CCSER1: variants seen among roughly 807,000 people sequenced by gnomAD.
The protein encoded by CCSER1 is serine-rich coiled-coil domain-containing protein 1.
In CCSER1, 41 loss-of-function variants were observed where a neutral mutation model predicts 82.0. That is an observed-to-expected ratio of 0.50 (90% CI 0.39 to 0.65). The LOEUF is 0.65. CCSER1 is among the 30% of genes least tolerant of loss of function. The pLI is 0.00. For synonymous variants in CCSER1, 414 were observed against 383.9 expected, an observed-to-expected ratio of 1.08 and a Z score of -0.92; for missense variants, 1,119 against 1,064.2, an observed-to-expected ratio of 1.05 and a Z score of -0.72.
intron 10 of CCSER1, among the ~76,000 whole-genome samples, chr4:91,301,622 G>A (rs1047218799): frequency 6.6e-6 from 1 of 151,612 alleles, no homozygotes; most frequent in Non-Finnish European, 1.5e-5. Flanking sequence ...TTTAACAACT[G>A]ATATGTTTTT....
At chr4:91,013,363 G>C (rs1181344656) in intron 9 of CCSER1, among the ~76,000 whole-genome samples, 1 of 132,938 alleles carries the variant, frequency 7.5e-6, no homozygotes, top group East Asian at 2.4e-4. Flanking sequence ...TCTTGTTGAA[G>C]ATCATTTGAC....
At chr4:90,902,425 T>C (rs907166312) in intron 8 of CCSER1, among the ~76,000 whole-genome samples, 36 of 152,126 alleles carry the variant, frequency 2.4e-4, no homozygotes, top group Non-Finnish European at 4.6e-4. Flanking sequence ...TGTACCTTTT[T>C]ATTTTTGTTT....
intron 3 of CCSER1, among the ~76,000 whole-genome samples, chr4:90,344,134 T>TA (rs1741916014): frequency 6.6e-6 from 1 of 152,308 alleles, no homozygotes; most frequent in East Asian, 1.9e-4. Context: ...AGTGAGAACA[T>TA]ATGATGTTTG....
At chr4:91,584,284 A>G (rs1442710072) in intron 10 of CCSER1, among the ~76,000 whole-genome samples, 3 of 151,340 alleles carry the variant, frequency 2.0e-5, no homozygotes, top group African/African-American at 7.3e-5. Flanking sequence ...ATAAATTTCA[A>G]GAGAAAATAT....
chr4:90,151,851 G>A (rs1726931348), intron 1 of CCSER1, among the ~76,000 whole-genome samples: 1 of 152,000 alleles, frequency 6.6e-6, no homozygotes, highest in African/African-American at 2.4e-5. Flanking sequence ...GTTAGACATG[G>A]ATCTGGCATT....
At chr4:90,778,779 T>TA (rs35046165) in intron 7 of CCSER1, among the ~76,000 whole-genome samples, 67,600 of 149,802 alleles carry the variant, frequency 0.45, 15,938 homozygotes, top group African/African-American at 0.6. Context: ...TTGGTTGACT[T>TA]AAAAAAAAAA....
At chr4:90,284,066 C>T (rs1025244384) in intron 1 of CCSER1, among the ~76,000 whole-genome samples, 3 of 151,944 alleles carry the variant, frequency 2.0e-5, no homozygotes, top group African/African-American at 7.2e-5. Flanking sequence ...TTGCATTTCT[C>T]TTATTAGTGA....
intron 6 of CCSER1, among the ~76,000 whole-genome samples, chr4:90,702,840 G>T (rs1457826623): frequency 1.3e-5 from 2 of 151,980 alleles, no homozygotes; most frequent in African/African-American, 4.8e-5. Flanking sequence ...ATTTTTTATT[G>T]CGTCTATTTG....
chr4:90,978,230 T>A (rs1376651735), intron 9 of CCSER1, among the ~76,000 whole-genome samples: 1 of 151,692 alleles, frequency 6.6e-6, no homozygotes, highest in East Asian at 1.9e-4. Context: ...AATGCGTCAC[T>A]TAATCATTTA....
chr4:91,263,368 G>A (rs1466711941), intron 10 of CCSER1, among the ~76,000 whole-genome samples: 1 of 151,946 alleles, frequency 6.6e-6, no homozygotes, highest in East Asian at 1.9e-4. Flanking sequence ...GTAGCCTACT[G>A]CCAAATTTTA....
chr4:91,462,023 G>A (rs1047743409), intron 10 of CCSER1, among the ~76,000 whole-genome samples: 6 of 152,062 alleles, frequency 3.9e-5, no homozygotes, highest in Non-Finnish European at 7.4e-5. Flanking sequence ...ACCTATTGCT[G>A]CTCACTCAAA....
At chr4:90,628,581 T>C (rs1723766225) in intron 6 of CCSER1, among the ~76,000 whole-genome samples, 1 of 152,332 alleles carries the variant, frequency 6.6e-6, no homozygotes, top group African/African-American at 2.4e-5. Flanking sequence ...GTATTTCACA[T>C]CAATGATACT....
chr4:90,496,513 T>A (rs1253879713), intron 5 of CCSER1, among the ~76,000 whole-genome samples: 1 of 152,164 alleles, frequency 6.6e-6, no homozygotes, highest in Non-Finnish European at 1.5e-5. Flanking sequence ...TTTGTCCTCA[T>A]AAACTAGGTG....
Position 90,400,129 on chromosome 4 carries a change from G to A in CCSER1, c.1603G>A (p.Val535Ile). 1.9e-6 allele frequency: 3 copies of A among 1,548,174 alleles called. No homozygotes were observed. The highest frequency in any genetic ancestry group is 2.7e-6 in the Non-Finnish European group (3 of 1,122,058). Reference sequence around the variant, plus strand: ...AGAGGAACAGAGTCTTCACCCTTCTGGTAAGTGTTAAAGAGATGAATAATA... The same window carrying A: ...AGAGGAACAGAGTCTTCACCCTTCTAGTAAGTGTTAAAGAGATGAATAATA... ...FLEEQSLHPS[V>I]CREDSYHSVV... The change falls in exon 4 of 11, where the codon GTT becomes ATT. Residue 535 changes from valine (V) to isoleucine (I), a missense_variant and splice_region_variant. Transcript: ENST00000509176.
At chr4:90,156,031 C>G (rs371075874) in intron 1 of CCSER1, among the ~76,000 whole-genome samples, 1 of 152,122 alleles carries the variant, frequency 6.6e-6, no homozygotes, top group African/African-American at 2.4e-5. Flanking sequence ...TTTCCCTCTA[C>G]ACACTGCTTT....
intron 5 of CCSER1, among the ~76,000 whole-genome samples, chr4:90,473,263 A>G (rs1463331972): frequency 6.6e-6 from 1 of 151,282 alleles, no homozygotes; most frequent in Non-Finnish European, 1.5e-5. Flanking sequence ...TGTACATACC[A>G]TAACTCAATG....
At chr4:90,584,984 C>A (rs9994246) in intron 5 of CCSER1, among the ~76,000 whole-genome samples, 2,338 of 152,162 alleles carry the variant, frequency 0.015, 55 homozygotes, top group African/African-American at 0.053. Context: ...ATTTATCTTG[C>A]AATGGGCTTG....
At position 90,308,507 on chromosome 4, in the gene CCSER1, G is replaced by A; in HGVS notation, c.223G>A (p.Gly75Arg). 6.2e-7 allele frequency: 1 copy of A among 1,613,874 alleles called. No homozygotes were observed. Among genetic ancestry groups the A allele is most frequent in the Admixed American group, 1.7e-5 (1 of 60,004 alleles). ...TTCCATTAGCTTCCACCATAAGAAG[G>A]GGAGTGAGCCTAAGCAAGAGCCTAC... Reference protein sequence around the residue: ...TPSISFHHKKGSEPKQEPTNQ... With the variant: ...TPSISFHHKKRSEPKQEPTNQ... Residue 75 changes from glycine to arginine, a missense_variant, in exon 2 of 11, where the codon GGG (glycine) becomes AGG (arginine). Physicochemically the swap from Gly to Arg is moderately radical, Grantham distance 125. Coordinates refer to ENST00000509176, the MANE Select transcript of CCSER1 (RefSeq NM_001145065.2).
chr4:90,978,712 G>A (rs146114543), intron 9 of CCSER1, among the ~76,000 whole-genome samples: 2 of 151,812 alleles, frequency 1.3e-5, no homozygotes, highest in African/African-American at 4.8e-5. Flanking sequence ...CTTTGCTTCA[G>A]TTAGGTTAGA....
Sources: allele counts gnomAD v4.1 joint callset (sites outside exome capture counted in the v4.1 genomes callset), GRCh38; gene constraint gnomAD v4.1.1; transcripts MANE v1.5; gene names NCBI Gene and HGNC (gene_info 2026-07-23, HGNC 2026-07-21).